Variants in SEMA6D observed in about 807,000 individuals in gnomAD.
SEMA6D encodes the protein semaphorin-6D.
Under a neutral mutation model 106.6 loss-of-function variants are expected in SEMA6D, and 35 were observed. That is an observed-to-expected ratio of 0.33 (90% CI 0.25 to 0.44). The LOEUF (loss-of-function observed/expected upper bound fraction) is 0.44. SEMA6D is among the 20% of genes least tolerant of loss of function. The pLI is 1.00. For synonymous variants in SEMA6D, 499 were observed against 487.7 expected (o/e 1.02, Z -0.31); for missense variants, 1,185 against 1,345.9 (o/e 0.88, Z 1.87).
At chr15:47,220,308 T>C (rs892341734) in intron 1 of SEMA6D, among the ~76,000 whole-genome samples, 1 of 152,210 alleles carries the variant, frequency 6.6e-6, no homozygotes, top group African/African-American at 2.4e-5. Flanking sequence ...GACTTTTAGT[T>C]CTTCATTAAT....
chr15:47,751,596 G>C (rs1017028671), intron 1 of SEMA6D, among the ~76,000 whole-genome samples: 1 of 152,180 alleles, frequency 6.6e-6, no homozygotes, highest in African/African-American at 2.4e-5. Flanking sequence ...AGCAGAAAAA[G>C]TCCATGCTCT....
At chr15:47,668,901 G>A (rs1454257069) in intron 4 of SEMA6D, among the ~76,000 whole-genome samples, 1 of 152,044 alleles carries the variant, frequency 6.6e-6, no homozygotes, top group African/African-American at 2.4e-5. Flanking sequence ...ATAAATTACC[G>A]CAGTGCAATT....
chr15:47,582,301 G>C (rs2076268185), intron 3 of SEMA6D, among the ~76,000 whole-genome samples: 1 of 152,200 alleles, frequency 6.6e-6, no homozygotes, highest in Non-Finnish European at 1.5e-5. Flanking sequence ...AGAATCTCTT[G>C]ACAGTGGATT....
At chr15:47,484,986 A>G (rs186420908) in intron 3 of SEMA6D, among the ~76,000 whole-genome samples, 2 of 152,316 alleles carry the variant, frequency 1.3e-5, no homozygotes, top group African/African-American at 4.8e-5. Context: ...GTCAAGGGTT[A>G]CATAAGGATG....
chr15:47,204,520 G>A (rs1000064587), intron 1 of SEMA6D, among the ~76,000 whole-genome samples: 2 of 152,100 alleles, frequency 1.3e-5, no homozygotes, highest in Admixed American at 1.3e-4. Context: ...GTCAGTTGAG[G>A]TCTGGATTGA....
At chr15:47,382,647 G>T (rs903200908) in intron 1 of SEMA6D, among the ~76,000 whole-genome samples, 1 of 152,206 alleles carries the variant, frequency 6.6e-6, no homozygotes, top group African/African-American at 2.4e-5. Flanking sequence ...TATAGACATG[G>T]CTAAGACAAG....
At chr15:47,750,310 C>T (rs959509044) in intron 1 of SEMA6D, among the ~76,000 whole-genome samples, 1 of 152,134 alleles carries the variant, frequency 6.6e-6, no homozygotes, top group Non-Finnish European at 1.5e-5. Flanking sequence ...TCCCTCTAGC[C>T]ATCAGGAGGA....
intron 3 of SEMA6D, among the ~76,000 whole-genome samples, chr15:47,519,155 T>C (rs2044488613): frequency 6.6e-6 from 1 of 152,142 alleles, no homozygotes; most frequent in Non-Finnish European, 1.5e-5. Context: ...ATAAAATGTA[T>C]AGTGTAATAA....
chr15:47,746,581 A>G (rs944961393), intron 1 of SEMA6D, among the ~76,000 whole-genome samples: 2 of 152,206 alleles, frequency 1.3e-5, no homozygotes, highest in African/African-American at 4.8e-5. Context: ...GTAGCATCAG[A>G]ACAAACATAC....
chr15:47,453,709 G>T (rs1024867992), intron 2 of SEMA6D, among the ~76,000 whole-genome samples: 2 of 151,922 alleles, frequency 1.3e-5, no homozygotes, highest in Admixed American at 6.6e-5. Context: ...CAAAACAGGA[G>T]CCACTTCTAA....
At chr15:47,462,363 C>T (rs76326118) in intron 2 of SEMA6D, among the ~76,000 whole-genome samples, 1,878 of 152,214 alleles carry the variant, frequency 0.012, 34 homozygotes, top group African/African-American at 0.044. Flanking sequence ...AGCAGGCAAG[C>T]ACTACATATG....
chr15:47,286,891 A>G (rs557413317), intron 1 of SEMA6D, among the ~76,000 whole-genome samples: 27 of 152,334 alleles, frequency 1.8e-4, no homozygotes, highest in African/African-American at 6.5e-4. Flanking sequence ...CCAATGTGAC[A>G]TTAAAGAGAT....
intron 2 of SEMA6D, among the ~76,000 whole-genome samples, chr15:47,417,236 A>G (rs779527725): frequency 1.3e-5 from 2 of 152,114 alleles, no homozygotes; most frequent in Non-Finnish European, 2.9e-5. Flanking sequence ...AAAAGCTTGA[A>G]TATTTAATAT....
At chr15:47,259,158 G>A (rs1314446137) in intron 1 of SEMA6D, among the ~76,000 whole-genome samples, 1 of 152,080 alleles carries the variant, frequency 6.6e-6, no homozygotes, top group Non-Finnish European at 1.5e-5. Flanking sequence ...GTCAGATGAA[G>A]TTATAACCTT....
chr15:47,692,857 G>A (rs1008226804), intron 4 of SEMA6D, among the ~76,000 whole-genome samples: 1 of 152,128 alleles, frequency 6.6e-6, no homozygotes, highest in African/African-American at 2.4e-5. Context: ...GTAATGATAG[G>A]CTGAAAAGAC....
chr15:47,536,615 T>C (rs2045176564), intron 3 of SEMA6D, among the ~76,000 whole-genome samples: 2 of 152,246 alleles, frequency 1.3e-5, no homozygotes, highest in South Asian at 4.1e-4. Flanking sequence ...ATATATCTTA[T>C]TATTGGTCTC....
At chr15:47,192,185 C>T (rs1369163041) in intron 1 of SEMA6D, among the ~76,000 whole-genome samples, 1 of 152,164 alleles carries the variant, frequency 6.6e-6, no homozygotes, top group East Asian at 1.9e-4. Context: ...TCTACACCCT[C>T]ACTCTCAGAT....
At chr15:47,422,163 TGCCC>T (rs200254927) in intron 2 of SEMA6D, among the ~76,000 whole-genome samples, 1,391 of 127,494 alleles carry the variant, frequency 0.011, 9 homozygotes, top group African/African-American at 0.02. Context: ...TCTTATTTTT[TGCCC>T]GCCCGCCTGC....
intron 3 of SEMA6D, among the ~76,000 whole-genome samples, chr15:47,598,772 G>T (rs1285108824): frequency 2.0e-5 from 3 of 151,994 alleles, no homozygotes; most frequent in Non-Finnish European, 4.4e-5. Flanking sequence ...GATCACCAAG[G>T]CAAATAATGC....
Sources: gnomAD v4.1 joint callset for allele counts (sites outside exome capture counted in the v4.1 genomes callset) on GRCh38, gnomAD v4.1.1 for gene constraint, MANE v1.5 for transcripts, NCBI Gene and HGNC (gene_info 2026-07-23, HGNC 2026-07-21) for gene names.